DACH2: variants seen among roughly 807,000 people sequenced by gnomAD.
The protein encoded by DACH2 is dachshund homolog 2.
A neutral mutation model predicts 35.8 loss-of-function variants in DACH2; 17 were observed. That is an observed-to-expected ratio of 0.48 (90% CI 0.33 to 0.71). The LOEUF (loss-of-function observed/expected upper bound fraction) is 0.71. DACH2 is among the 30% of genes least tolerant of loss of function. The probability of loss-of-function intolerance (pLI) is 0.02; values close to 1 mark genes in which losing one functional copy is unlikely to be tolerated. For synonymous variants in DACH2, 195 were observed against 177.3 expected, an observed-to-expected ratio of 1.10 and a Z score of -0.79; for missense variants, 469 against 472.7, an observed-to-expected ratio of 0.99 and a Z score of 0.07.
chrX:86,817,071 T>G (rs145735821), intron 11 of DACH2, among the ~76,000 whole-genome samples: 2 of 111,526 alleles, frequency 1.8e-5, no homozygotes, highest in Non-Finnish European at 3.8e-5. Flanking sequence ...CTTCATAAGT[T>G]GTTTTACATG....
chrX:86,781,382 A>G (rs143861036), intron 7 of DACH2, among the ~76,000 whole-genome samples: 328 of 111,619 alleles, frequency 2.9e-3, no homozygotes, highest in Middle Eastern at 0.023. Context: ...TTCTCCATAT[A>G]TGGTCAAAGT....
At position 86,460,726 on chromosome X, in the gene DACH2, C is replaced by T. The variant is rs904116875; in HGVS notation, c.528-53553C>T. On this transcript the variant is annotated intron_variant, in intron 2 of 11. Transcript: ENST00000373125. ...AAGAAATCACAACAAGGGAAATAGC[C>T]TATATTTGGCAGTAGGTAGTACATT... Among the ~76,000 whole-genome samples, 4 of 110,349 alleles carry T rather than the reference C, an allele frequency of 3.6e-5. No individual in the cohort carries two copies. The Admixed American group carries it at 3.9e-4, about 11-fold the overall frequency.
At chrX:86,190,282 T>C (rs1193473507) in intron 1 of DACH2, among the ~76,000 whole-genome samples, 4 of 112,155 alleles carry the variant, frequency 3.6e-5, no homozygotes, top group African/African-American at 1.3e-4. Flanking sequence ...CTTTGTACTC[T>C]CATCCAATTC....
rs776098406 is a variant in DACH2 at position 86,216,622 on chromosome X, G to T, written c.488+67514G>T. Among the ~76,000 whole-genome samples, 3 of 111,796 alleles carry T rather than the reference G, an allele frequency of 2.7e-5. No homozygotes were observed. In the South Asian group the frequency reaches 1.1e-3, roughly 42 times the overall value. ...ATAAATAAAAGTTTCATATTTGAGA[G>T]ATAAATGTTTTTCTGGATACCTGTT... On this transcript the variant is annotated intron_variant, in intron 1 of 11. Coordinates refer to ENST00000373125, the MANE Select transcript of DACH2 (RefSeq NM_053281.3).
chrX:86,329,215 G>A (rs1006530805), intron 1 of DACH2, among the ~76,000 whole-genome samples: 1 of 110,941 alleles, frequency 9.0e-6, no homozygotes. Flanking sequence ...AGCACAAACA[G>A]AGTATACTTT....
chrX:86,636,021 A>G (rs771205883), intron 3 of DACH2, among the ~76,000 whole-genome samples: 1 of 112,384 alleles, frequency 8.9e-6, no homozygotes, highest in East Asian at 2.8e-4. Context: ...ACAAACCCAG[A>G]GAAAACTATT....
chrX:86,435,806 G>T (rs534233993), intron 2 of DACH2, among the ~76,000 whole-genome samples: 5 of 111,716 alleles, frequency 4.5e-5, no homozygotes, highest in Non-Finnish European at 9.4e-5. Flanking sequence ...GCATTCATTT[G>T]TAAGGCAATC....
intron 7 of DACH2, among the ~76,000 whole-genome samples, chrX:86,764,785 A>T (rs1248407238): frequency 8.9e-6 from 1 of 111,832 alleles, no homozygotes; most frequent in African/African-American, 3.3e-5. Flanking sequence ...TTCTATTTTT[A>T]GTTCTTTGTG....
At chrX:86,822,136 A>G (rs1279607286) in intron 11 of DACH2, among the ~76,000 whole-genome samples, 1 of 112,435 alleles carries the variant, frequency 8.9e-6, no homozygotes, top group Non-Finnish European at 1.9e-5. Context: ...CCTGATTAAA[A>G]GACTAAGTCA....
intron 2 of DACH2, among the ~76,000 whole-genome samples, chrX:86,475,207 C>T (rs776644810): frequency 2.7e-5 from 3 of 111,069 alleles, no homozygotes; most frequent in Admixed American, 9.6e-5. Flanking sequence ...TATTCTATTT[C>T]TGTTGAGGAA....
intron 3 of DACH2, among the ~76,000 whole-genome samples, chrX:86,568,433 A>G (rs1300460602): frequency 9.0e-6 from 1 of 110,969 alleles, no homozygotes; most frequent in Non-Finnish European, 1.9e-5. Flanking sequence ...CAATTTTGCT[A>G]TGAACAGAAA....
intron 1 of DACH2, among the ~76,000 whole-genome samples, chrX:86,174,840 G>C (rs185168549): frequency 9.0e-6 from 1 of 110,661 alleles, no homozygotes; most frequent in East Asian, 2.9e-4. Context: ...ACCATCCCCA[G>C]TTAATTATTT....
intron 4 of DACH2, among the ~76,000 whole-genome samples, chrX:86,679,004 T>A (rs2040850407): frequency 8.9e-6 from 1 of 111,747 alleles, no homozygotes; most frequent in Non-Finnish European, 1.9e-5. Flanking sequence ...CCTCTCCTTC[T>A]TTGGCTACAC....
chrX:86,684,452 G>T (rs2040918159), intron 4 of DACH2, among the ~76,000 whole-genome samples: 1 of 110,932 alleles, frequency 9.0e-6, no homozygotes, highest in South Asian at 3.7e-4. Context: ...AATAGAAAAA[G>T]TACTTTAATT....
intron 6 of DACH2, among the ~76,000 whole-genome samples, chrX:86,732,324 G>T (rs1011879537): frequency 1.8e-4 from 20 of 112,250 alleles, no homozygotes; most frequent in Non-Finnish European, 3.0e-4. Context: ...CACTGATTTA[G>T]CAAATGTTGA....
chrX:86,229,352 C>T (rs371542744), intron 1 of DACH2, among the ~76,000 whole-genome samples: 2 of 112,206 alleles, frequency 1.8e-5, no homozygotes, highest in African/African-American at 6.5e-5. Flanking sequence ...CAGTATCATG[C>T]CATTTTGGTG....
intron 1 of DACH2, among the ~76,000 whole-genome samples, chrX:86,266,193 A>G (rs2033710009): frequency 9.0e-6 from 1 of 111,323 alleles, no homozygotes; most frequent in Non-Finnish European, 1.9e-5. Context: ...CTGATTTGCT[A>G]GGTGTGGGAT....
chrX:86,564,616 TG>T (rs2039271069), intron 3 of DACH2, among the ~76,000 whole-genome samples: 1 of 111,411 alleles, frequency 9.0e-6, no homozygotes, highest in Non-Finnish European at 1.9e-5. Context: ...CTTTGTCCTG[TG>T]GCCACATTGA....
chrX:86,608,413 C>G (rs946515675), intron 3 of DACH2, among the ~76,000 whole-genome samples: 1 of 111,779 alleles, frequency 8.9e-6, no homozygotes, highest in African/African-American at 3.3e-5. Flanking sequence ...CATCCCATTA[C>G]TAGGTATTGT....
Sources: gnomAD v4.1 joint callset for allele counts (sites outside exome capture counted in the v4.1 genomes callset) on GRCh38, gnomAD v4.1.1 for gene constraint, MANE v1.5 for transcripts, NCBI Gene and HGNC (gene_info 2026-07-23, HGNC 2026-07-21) for gene names.